TNS1: variants seen among roughly 807,000 people sequenced by gnomAD.
TNS1 encodes tensin-1.
A neutral mutation model predicts 168.6 loss-of-function variants in TNS1; 62 were observed. That is an observed-to-expected ratio of 0.37 (90% confidence interval 0.30 to 0.45). The LOEUF (loss-of-function observed/expected upper bound fraction) is 0.45, where lower values mean the gene tolerates loss of function less well. TNS1 is among the 20% of genes least tolerant of loss of function. The probability of loss-of-function intolerance (pLI) is 1.00; values close to 1 mark genes in which losing one functional copy is unlikely to be tolerated. For synonymous variants in TNS1, 934 were observed against 933.2 expected (o/e 1.00, Z -0.02); for missense variants, 2,240 against 2,339.4 (o/e 0.96, Z 0.88).
At chr2:217,955,082 T>C (rs1217226231) in intron 3 of TNS1, among the ~76,000 whole-genome samples, 1 of 152,194 alleles carries the variant, frequency 6.6e-6, no homozygotes, top group Non-Finnish European at 1.5e-5. Flanking sequence ...GTGTCCGCCA[T>C]AGTCCCCAGG....
chr2:218,031,580 C>T (rs1163565501), intron 1 of TNS1, among the ~76,000 whole-genome samples: 2 of 151,724 alleles, frequency 1.3e-5, no homozygotes, highest in Non-Finnish European at 2.9e-5. Flanking sequence ...TGTGTGTGCA[C>T]CTTCTCCCTA....
Position 218,027,044 on chromosome 2 carries a change from C to T in TNS1, c.156+6776G>A, listed in dbSNP as rs537933392. ...AGGGAGGAGGAAGGGCAGCCGGCTT[C>T]TGGGGGCCCACGAAGGGAGGAGAGA... is the stretch of plus-strand genomic sequence containing the variant. On this transcript the variant is annotated intron_variant, in intron 1 of 1. Transcript: ENST00000649572. 1.1e-4 allele frequency among the ~76,000 whole-genome samples: 16 copies of T among 152,200 alleles called. No homozygotes were observed. In the South Asian group the frequency reaches 3.3e-3, roughly 32 times the overall value.
chr2:218,006,073 T>C (rs1958654535), upstream of TNS1, among the ~76,000 whole-genome samples: 1 of 152,000 alleles, frequency 6.6e-6, no homozygotes, highest in Non-Finnish European at 1.5e-5. Context: ...GCCCCAACCC[T>C]GTGCCATCCC....
intron 18 of TNS1, among the ~76,000 whole-genome samples, chr2:217,867,761 A>G (rs551713786): frequency 6.6e-6 from 1 of 152,328 alleles, no homozygotes; most frequent in African/African-American, 2.4e-5. Context: ...TCTGCCTGGA[A>G]TGCTCTTCTC....
At chr2:217,923,109 C>T (rs1010466846) in intron 3 of TNS1, among the ~76,000 whole-genome samples, 2 of 152,178 alleles carry the variant, frequency 1.3e-5, no homozygotes, top group Non-Finnish European at 2.9e-5. Flanking sequence ...CCCAGGGGGC[C>T]CAGGTAAGGA....
chr2:217,969,871 G>A (rs1469375055), intron 3 of TNS1, among the ~76,000 whole-genome samples: 1 of 152,182 alleles, frequency 6.6e-6, no homozygotes, highest in Non-Finnish European at 1.5e-5. Flanking sequence ...GTTGAATTAT[G>A]TCCCTCACAA....
chr2:218,010,056 CG>C (rs757204276), intron 1 of TNS1: 814 of 81,262 alleles, frequency 0.01, 1 homozygote, highest in Middle Eastern at 0.026. Context: ...AGGGAGGGGG[CG>C]GGGGGGGGTC....
intron 3 of TNS1, among the ~76,000 whole-genome samples, chr2:217,920,894 A>T (rs1955641301): frequency 6.6e-6 from 1 of 151,566 alleles, no homozygotes; most frequent in African/African-American, 2.4e-5. Flanking sequence ...CACCAGTTTC[A>T]TGATCCTCAT....
intron 3 of TNS1, among the ~76,000 whole-genome samples, chr2:217,962,322 A>G (rs1227651074): frequency 6.6e-6 from 1 of 152,222 alleles, no homozygotes; most frequent in Non-Finnish European, 1.5e-5. Context: ...GCATGCCTGT[A>G]ATCCCAGCTA....
At chr2:218,004,287 G>T (rs1406152904), upstream of TNS1, among the ~76,000 whole-genome samples, 5 of 152,218 alleles carry the variant, frequency 3.3e-5, no homozygotes, top group South Asian at 8.3e-4. Flanking sequence ...AGCAAGAAAA[G>T]TTCTCTTGCC....
intron 16 of TNS1, among the ~76,000 whole-genome samples, chr2:217,884,119 G>A (rs1260966891): frequency 7.0e-6 from 1 of 141,940 alleles, no homozygotes; most frequent in Non-Finnish European, 1.5e-5. Context: ...ACACACAAGT[G>A]ATGCTTGGTG....
rs886157687 is a variant in TNS1 at position 217,813,399 on chromosome 2, G to C, written c.4862-92C>G. The C allele has an allele frequency of 5.2e-6, 6 of 1,152,724 alleles. No individual in the cohort carries two copies. The highest frequency in any genetic ancestry group is 7.6e-6 in the Non-Finnish European group (6 of 787,508). 71.4% of individuals were successfully genotyped at this position (1,152,724 alleles called of 1,614,324 possible). A position where few individuals can be genotyped will look rare whatever the true frequency, so the allele number is the denominator to read the frequency against. ...CTGCTTCAAAACTTCCGCAGTGTGC[G>C]GGGCCAAGATGGGAGAAATGACTGA... On this transcript the variant is annotated intron_variant, in intron 26 of 32. Transcript: ENST00000682258. The surrounding 1 kb of genome is among the most constrained non-coding windows in gnomAD (Gnocchi z 4.0).
chr2:217,918,209 T>C (rs1267921723), intron 4 of TNS1, among the ~76,000 whole-genome samples: 3 of 152,176 alleles, frequency 2.0e-5, no homozygotes, highest in Non-Finnish European at 4.4e-5. Context: ...GCTTACAGCA[T>C]AGGTACCGTC....
At chr2:217,959,857 C>T (rs1393811776) in intron 3 of TNS1, among the ~76,000 whole-genome samples, 1 of 150,302 alleles carries the variant, frequency 6.7e-6, no homozygotes, top group Non-Finnish European at 1.5e-5. Flanking sequence ...CAGCTCTAGC[C>T]TCTCCAGGAA....
At chr2:217,881,051 A>C (rs1174246838) in intron 17 of TNS1, 37 bp from the exon 18 acceptor site, 1 of 1,445,144 alleles carries the variant, frequency 6.9e-7, no homozygotes, top group East Asian at 2.3e-5. Context: ...AGTCGGGGAG[A>C]CAGTGCAGAG....
chr2:217,818,053 A>G lies in TNS1; in HGVS notation c.4279T>C (p.Tyr1427His). Residue 1427 changes from tyrosine to histidine, a missense_variant, in exon 24 of 33, where the codon TAT (tyrosine) becomes CAT (histidine). Transcript: ENST00000682258. ...GSPCLDRHVA[Y>H]GGYSTPEDRR... is the part of the protein sequence containing the mutation. ...TCCTCCGGGGTAGAATAGCCACCAT[A>G]GGCCACATGCCGGTCCAAGCAGGGG... 1 of 1,609,378 alleles carries G rather than the reference A, an allele frequency of 6.2e-7. No homozygotes were observed. Among genetic ancestry groups the G allele is most frequent in the Non-Finnish European group, 8.5e-7 (1 of 1,177,862 alleles).
Position 217,848,143 on chromosome 2 carries a change from G to T in TNS1, c.2374C>A (p.Gln792Lys). 6.3e-7 allele frequency: 1 copy of T among 1,598,876 alleles called. No homozygotes were observed. The highest frequency in any genetic ancestry group is 1.1e-5 in the South Asian group (1 of 87,810). Residue 792 changes from glutamine (Q) to lysine (K), a missense_variant, in exon 19 of 33, where the codon CAG (glutamine) becomes AAG (lysine). By Grantham distance (53) the Gln-to-Lys change is moderately conservative. This residue lies in a region of TNS1 where 2,131 missense variants were observed against 2,171.2 expected (regional missense o/e 0.98). Coordinates refer to ENST00000682258, the MANE Select transcript of TNS1 (RefSeq NM_001387777.1). ...QQQPRPPPRQ[Q>K]ERAHLESLVA... ...AGACTCTCCAAGTGGGCTCTTTCCT[G>T]CTGGCGTGGAGGTGGGCGAGGCTGC...
At chr2:217,981,463 G>A (rs1958046844) in intron 2 of TNS1, among the ~76,000 whole-genome samples, 1 of 152,232 alleles carries the variant, frequency 6.6e-6, no homozygotes, top group Non-Finnish European at 1.5e-5. Context: ...AAATCATCAG[G>A]TAATTGCAAT....
At chr2:217,860,024 T>C (rs1574850586) in intron 18 of TNS1, among the ~76,000 whole-genome samples, 1 of 152,238 alleles carries the variant, frequency 6.6e-6, no homozygotes, top group East Asian at 1.9e-4. Flanking sequence ...GGTGTCTCCA[T>C]GCAGAGGGCC....
Sources: allele counts gnomAD v4.1 joint callset (sites outside exome capture counted in the v4.1 genomes callset), GRCh38; gene constraint gnomAD v4.1.1; regional missense constraint gnomAD v4.1.1; non-coding constraint Gnocchi (gnomAD v3.1); transcripts MANE v1.5; gene names NCBI Gene and HGNC (gene_info 2026-07-23, HGNC 2026-07-21).